Variants in PDE10A observed in about 807,000 individuals in gnomAD.
The protein encoded by PDE10A is cAMP and cAMP-inhibited cGMP 3',5'-cyclic phosphodiesterase 10A.
Under a neutral mutation model 97.7 loss-of-function variants are expected in PDE10A, and 39 were observed. That is an observed-to-expected ratio of 0.40 (90% CI 0.31 to 0.52). The LOEUF is 0.52. Ranked by LOEUF, PDE10A falls within the 20% of genes least tolerant of loss-of-function variation. The pLI is 0.56. For missense variants in PDE10A, 731 were observed against 1,047.8 expected, an observed-to-expected ratio of 0.70 and a Z score of 4.17; for synonymous variants, 371 against 376.8, an observed-to-expected ratio of 0.98 and a Z score of 0.18.
In PDE10A at chr6:165,662,310, G is replaced by GTCCTCC. The variant is rs1182215866; in HGVS notation, c.496_501dup (p.Gly166_Gly167dup). The GTCCTCC allele has an allele frequency of 6.2e-6, 1 of 160,028 alleles. No individual in the cohort carries two copies. Among genetic ancestry groups the GTCCTCC allele is most frequent in the Non-Finnish European group, 1.3e-5 (1 of 76,086 alleles). The allele number at this position is 160,028 out of a possible 1,614,324, so 9.9% of individuals were successfully genotyped here. ...GGGACGCTCAAGGGAGCTGCCTCTT[G>GTCCTCC]TCCTCCTCCTCCTCCTCCGCCAGCA... On this transcript the variant is annotated inframe_insertion, in exon 1 of 22. Coordinates refer to ENST00000539869, the MANE Select transcript of PDE10A (RefSeq NM_001385079.1).
At chr6:165,618,033 A>G (rs1479328545) in intron 1 of PDE10A, among the ~76,000 whole-genome samples, 2 of 152,164 alleles carry the variant, frequency 1.3e-5, no homozygotes, top group Admixed American at 1.3e-4. Context: ...TCCATCTCTA[A>G]AAGTTAGAAA....
At chr6:165,447,518 C>T (rs987855576) in intron 5 of PDE10A, among the ~76,000 whole-genome samples, 3 of 152,058 alleles carry the variant, frequency 2.0e-5, no homozygotes, top group African/African-American at 4.8e-5. Flanking sequence ...TGACGTGGAC[C>T]ACAACAGACT....
At chr6:165,541,173 T>C (rs1259002012) in intron 2 of PDE10A, among the ~76,000 whole-genome samples, 1 of 152,230 alleles carries the variant, frequency 6.6e-6, no homozygotes, top group Non-Finnish European at 1.5e-5. Context: ...CTTGTATCCC[T>C]GTTTACTACT....
chr6:165,801,616 T>A (rs1372136610), intron 1 of PDE10A, among the ~76,000 whole-genome samples: 1 of 152,232 alleles, frequency 6.6e-6, no homozygotes, highest in Non-Finnish European at 1.5e-5. Flanking sequence ...TTAGGACATG[T>A]TAATTGTCTC....
chr6:165,937,830 C>T (rs1330143877), intron 1 of PDE10A, among the ~76,000 whole-genome samples: 1 of 152,192 alleles, frequency 6.6e-6, no homozygotes, highest in Non-Finnish European at 1.5e-5. Context: ...TAAGGACCTA[C>T]AAACTGACCT....
At chr6:165,554,170 T>C (rs988252618) in intron 1 of PDE10A, among the ~76,000 whole-genome samples, 5 of 152,034 alleles carry the variant, frequency 3.3e-5, no homozygotes, top group African/African-American at 1.2e-4. Context: ...TGGAATCACA[T>C]CAAGTTAAAA....
At chr6:165,577,081 A>G (rs1785345951) in intron 1 of PDE10A, among the ~76,000 whole-genome samples, 1 of 152,228 alleles carries the variant, frequency 6.6e-6, no homozygotes, top group Admixed American at 6.5e-5. Flanking sequence ...AGCAGATCCA[A>G]AGGGTGTGAG....
intron 1 of PDE10A, among the ~76,000 whole-genome samples, chr6:165,896,922 G>A (rs1269349386): frequency 1.3e-5 from 2 of 152,040 alleles, no homozygotes; most frequent in African/African-American, 4.8e-5. Context: ...CACCCATCTC[G>A]GTCTCTCAAA....
intron 1 of PDE10A, among the ~76,000 whole-genome samples, chr6:165,838,227 A>G (rs1424587891): frequency 1.3e-5 from 2 of 152,102 alleles, no homozygotes; most frequent in African/African-American, 4.8e-5. Flanking sequence ...CCCATTCACC[A>G]TTTCCTGTAG....
At position 165,336,755 on chromosome 6, in the gene PDE10A, CAAAAAAAA is replaced by C. The variant is rs776243789; in HGVS notation, c.2977-552_2977-545del. ...TGGGCGACAGAGCGAGACTCCGTCT[CAAAAAAAA>C]AAAAAAAAAAAAAAAAATACCTACT... On this transcript the variant is annotated intron_variant, in intron 20 of 21. Transcript: ENST00000539869. 3.0e-4 allele frequency among the ~76,000 whole-genome samples: 15 copies of C among 50,488 alleles called. 1 individual carries two copies. The South Asian group carries it at 9.8e-3, about 33-fold the overall frequency. The allele number at this position is 50,488 out of a possible 152,430, so 33.1% of individuals were successfully genotyped here. A position where few individuals can be genotyped will look rare whatever the true frequency, so the allele number is the denominator to read the frequency against.
intron 1 of PDE10A, among the ~76,000 whole-genome samples, chr6:165,796,399 T>G (rs904339240): frequency 2.6e-5 from 4 of 152,188 alleles, no homozygotes; most frequent in Non-Finnish European, 2.9e-5. Context: ...ACATCTTTTC[T>G]CAGTCACTGG....
At chr6:165,949,680 T>A (rs926395064) in intron 1 of PDE10A, 1 of 152,178 alleles carries the variant, frequency 6.6e-6, no homozygotes, top group African/African-American at 2.4e-5. Context: ...ATGATACACA[T>A]GTTATGCATT....
chr6:165,624,761 T>A (rs1001301435), intron 1 of PDE10A, among the ~76,000 whole-genome samples: 4 of 152,216 alleles, frequency 2.6e-5, no homozygotes, highest in African/African-American at 9.6e-5. Context: ...TTCAACATGC[T>A]TATAGACAGG....
chr6:165,459,518 TAGATAGACAGACAGAC>T (rs1477085908), intron 3 of PDE10A, among the ~76,000 whole-genome samples: 13,428 of 80,388 alleles, frequency 0.17, 735 homozygotes, highest in Middle Eastern at 0.36. Context: ...GATAGATAGA[TAGATAGACAGACAGAC>T]AGACAGACAG....
At position 165,418,867 on chromosome 6, in the gene PDE10A, G is replaced by C; in HGVS notation, c.1654-90C>G. The C allele has an allele frequency of 9.8e-7, 1 of 1,024,282 alleles. No homozygotes were observed. Among genetic ancestry groups the C allele is most frequent in the Non-Finnish European group, 1.5e-6 (1 of 678,674 alleles). 63.4% of individuals were successfully genotyped at this position (1,024,282 alleles called of 1,614,324 possible). On this transcript the variant is annotated intron_variant, in intron 10 of 21. Coordinates refer to ENST00000539869, the MANE Select transcript of PDE10A (RefSeq NM_001385079.1). The surrounding 1 kb of genome is among the most constrained non-coding windows in gnomAD (Gnocchi z 4.8). ...TATCATAAAATAAGTATTAATTTCA[G>C]CTGTCCTATACTCTAATTGGTTGGT...
intron 1 of PDE10A, among the ~76,000 whole-genome samples, chr6:165,893,028 T>C (rs1237372472): frequency 6.6e-6 from 1 of 152,212 alleles, no homozygotes; most frequent in Non-Finnish European, 1.5e-5. Context: ...CAGGTAGGAT[T>C]TAAGCTTTTA....
chr6:165,446,815 T>C (rs1449256196), intron 5 of PDE10A, among the ~76,000 whole-genome samples: 2 of 152,064 alleles, frequency 1.3e-5, no homozygotes, highest in Non-Finnish European at 2.9e-5. Flanking sequence ...GTCCCTGAGA[T>C]GCGGGAAAGA....
chr6:165,754,167 C>T (rs1793066099), intron 1 of PDE10A: 1 of 152,180 alleles, frequency 6.6e-6, no homozygotes, highest in African/African-American at 2.4e-5. Context: ...AAAAATTGCC[C>T]TTTTTTGAAT....
rs149439009 is a variant in PDE10A at position 165,703,426 on chromosome 6, C to A, written c.-614-159858G>T. On this transcript the variant is annotated intron_variant, in intron 1 of 19. Transcript: ENST00000366882. ...AGCCATACAAAGAACATGGAGATAA[C>A]CCACCACTAGGCTCCTTTTGTCACT... Among the ~76,000 whole-genome samples, 408 of 152,322 alleles carry A rather than the reference C, an allele frequency of 2.7e-3. 1 individual carries two copies. Among genetic ancestry groups the A allele is most frequent in the African/African-American group, 9.4e-3 (389 of 41,566 alleles).
Sources: gnomAD v4.1 joint callset for allele counts (sites outside exome capture counted in the v4.1 genomes callset) on GRCh38, gnomAD v4.1.1 for gene constraint, Gnocchi (gnomAD v3.1) non-coding constraint, MANE v1.5 for transcripts, NCBI Gene and HGNC (gene_info 2026-07-23, HGNC 2026-07-21) for gene names.